RGS5: variants seen among roughly 807,000 people sequenced by gnomAD.
The protein encoded by RGS5 is regulator of G-protein signalling 5.
A neutral mutation model predicts 18.9 loss-of-function variants in RGS5; 20 were observed. The ratio of observed to expected loss-of-function variants is 1.06; its 90% CI spans 0.74 to 1.54. RGS5 has a LOEUF of 1.54. Ranked by LOEUF, RGS5 falls within the 40% of genes most tolerant of loss-of-function variation. The pLI is 0.00. For missense variants in RGS5, 201 were observed against 211.8 expected (o/e 0.95, Z 0.32); for synonymous variants, 57 against 76.2 (o/e 0.75, Z 1.31).
chr1:163,173,680 C>T (rs933858872), intron 1 of RGS5, among the ~76,000 whole-genome samples: 1 of 152,130 alleles, frequency 6.6e-6, no homozygotes, highest in African/African-American at 2.4e-5. Flanking sequence ...AGTTGTTTCT[C>T]GCTTCAGAGA....
At chr1:163,292,139 T>C (rs1225207923) in intron 2 of RGS5, among the ~76,000 whole-genome samples, 1 of 152,158 alleles carries the variant, frequency 6.6e-6, no homozygotes, top group Non-Finnish European at 1.5e-5. Context: ...GAGCATCCAT[T>C]AGCTACTCTA....
intron 3 of RGS5, among the ~76,000 whole-genome samples, chr1:163,159,824 A>G (rs929969888): frequency 6.6e-6 from 1 of 152,224 alleles, no homozygotes; most frequent in Non-Finnish European, 1.5e-5. Flanking sequence ...ATACACATAT[A>G]TAATTTCAAA....
intron 1 of RGS5, among the ~76,000 whole-genome samples, chr1:163,183,259 A>G (rs549368530): frequency 9.4e-4 from 143 of 152,322 alleles, no homozygotes; most frequent in Non-Finnish European, 1.6e-3. Flanking sequence ...TTTAACAGCC[A>G]CTTATTATTC....
At chr1:163,296,715 CCA>C (rs1041041339) in intron 2 of RGS5, among the ~76,000 whole-genome samples, 1 of 152,066 alleles carries the variant, frequency 6.6e-6, no homozygotes, top group Non-Finnish European at 1.5e-5. Flanking sequence ...GATAATCTAC[CCA>C]CACAGTTTCT....
In RGS5 at chr1:163,145,128, A is replaced by G. The variant is rs1657080711; in HGVS notation, c.*2214T>C. ...TAAAAGCCCTTCTTATTTTCCGCTG[A>G]GAGGTCTACCCACTTTCATAGGGTG... On this transcript the variant is annotated 3_prime_UTR_variant, in exon 5 of 5. Coordinates refer to ENST00000313961, the MANE Select transcript of RGS5 (RefSeq NM_003617.4). 1 of 152,140 alleles carries G rather than the reference A, an allele frequency of 6.6e-6. No individual in the cohort carries two copies. Among genetic ancestry groups the G allele is most frequent in the African/African-American group, 2.4e-5 (1 of 41,432 alleles). 9.4% of individuals were successfully genotyped at this position (152,140 alleles called of 1,614,324 possible). A position where few individuals can be genotyped will look rare whatever the true frequency, so the allele number is the denominator to read the frequency against.
chr1:163,223,868 A>G (rs895039661), intron 2 of RGS5, among the ~76,000 whole-genome samples: 2 of 152,158 alleles, frequency 1.3e-5, no homozygotes, highest in African/African-American at 4.8e-5. Flanking sequence ...AAGTCTATTT[A>G]TAGGTCTGGG....
At chr1:163,225,377 C>A (rs1190655348) in intron 2 of RGS5, among the ~76,000 whole-genome samples, 4 of 152,146 alleles carry the variant, frequency 2.6e-5, no homozygotes, top group Non-Finnish European at 5.9e-5. Flanking sequence ...TCTATGGGGG[C>A]TCAAAGTTTC....
chr1:163,228,928 T>C (rs896007271), intron 2 of RGS5, among the ~76,000 whole-genome samples: 1 of 152,206 alleles, frequency 6.6e-6, no homozygotes, highest in East Asian at 1.9e-4. Context: ...CTGGACCTTA[T>C]TGTCCACATC....
At chr1:163,188,648 C>T (rs1659197484) in intron 1 of RGS5, among the ~76,000 whole-genome samples, 2 of 152,084 alleles carry the variant, frequency 1.3e-5, no homozygotes, top group Admixed American at 1.3e-4. Flanking sequence ...AGGGAAGAGG[C>T]AACCTGGCGA....
chr1:163,242,158 C>T (rs368272427), intron 2 of RGS5, among the ~76,000 whole-genome samples: 3 of 152,094 alleles, frequency 2.0e-5, no homozygotes, highest in Non-Finnish European at 2.9e-5. Flanking sequence ...AAAGTTTTGA[C>T]GTAAACATCT....
intron 2 of RGS5, among the ~76,000 whole-genome samples, chr1:163,274,339 A>AGCAATAAGATACAGAGAGCTTCTACG (rs368168246): frequency 0.11 from 16,720 of 151,920 alleles, 1,233 homozygotes; most frequent in South Asian, 0.2. Flanking sequence ...AAAACTCTTG[A>AGCAATAAGATACAGAGAGCTTCTACG]GCAATAAGAT....
intron 1 of RGS5, among the ~76,000 whole-genome samples, chr1:163,310,486 A>G (rs1057303909): frequency 1.3e-5 from 2 of 151,346 alleles, no homozygotes; most frequent in Admixed American, 6.6e-5. Flanking sequence ...GAGGCAGGAG[A>G]ATGGCATGAA....
At chr1:163,294,783 G>C (rs371892329) in intron 2 of RGS5, among the ~76,000 whole-genome samples, 24 of 152,078 alleles carry the variant, frequency 1.6e-4, no homozygotes, top group East Asian at 9.7e-4. Flanking sequence ...CCATCTCTTT[G>C]TGAGCACATG....
intron 2 of RGS5, among the ~76,000 whole-genome samples, chr1:163,281,210 T>G (rs1648982607): frequency 6.6e-6 from 1 of 152,210 alleles, no homozygotes; most frequent in South Asian, 2.1e-4. Flanking sequence ...CATATGGAAC[T>G]GTAAGTCCAA....
intron 1 of RGS5, among the ~76,000 whole-genome samples, chr1:163,193,915 G>GA (rs1244369846): frequency 1.3e-5 from 2 of 152,122 alleles, no homozygotes; most frequent in African/African-American, 2.4e-5. Flanking sequence ...TCCCACTGGA[G>GA]AAAATGTAGT....
At chr1:163,319,692 C>CAT (rs1485854137) in intron 1 of RGS5, among the ~76,000 whole-genome samples, 1 of 152,118 alleles carries the variant, frequency 6.6e-6, no homozygotes, top group Admixed American at 6.5e-5. Flanking sequence ...GCTGATAAAC[C>CAT]ATGCAGTCTA....
chr1:163,235,452 C>T (rs1358011140), intron 2 of RGS5, among the ~76,000 whole-genome samples: 3 of 152,178 alleles, frequency 2.0e-5, no homozygotes, highest in South Asian at 2.1e-4. Context: ...GAATTCTTAC[C>T]TCCAGCCACG....
chr1:163,193,685 G>A (rs1240936560), intron 1 of RGS5, among the ~76,000 whole-genome samples: 1 of 152,052 alleles, frequency 6.6e-6, no homozygotes, highest in African/African-American at 2.4e-5. Context: ...CGCCTGACAT[G>A]GATTTATGCA....
intron 1 of RGS5, among the ~76,000 whole-genome samples, chr1:163,316,571 G>A (rs571615870): frequency 4.6e-5 from 6 of 130,412 alleles, no homozygotes; most frequent in African/African-American, 1.7e-4. Context: ...GCAACACAGT[G>A]AGACCCTATC....
Sources: gnomAD v4.1 joint callset for allele counts (sites outside exome capture counted in the v4.1 genomes callset) on GRCh38, gnomAD v4.1.1 for gene constraint, MANE v1.5 for transcripts, NCBI Gene and HGNC (gene_info 2026-07-23, HGNC 2026-07-21) for gene names.